The following MBD2 variants were observed in gnomAD, a reference collection of about 807,000 sequenced individuals.
The protein encoded by MBD2 is methyl-CpG binding domain protein 2.
Under a neutral mutation model 39.3 loss-of-function variants are expected in MBD2, and 9 were observed. That is an observed-to-expected ratio of 0.23 (90% CI 0.14 to 0.40). MBD2 has a LOEUF of 0.40. Among genes scored for constraint, MBD2 ranks in the 10% least tolerant of loss-of-function variants. The pLI, the probability that MBD2 is intolerant of heterozygous loss-of-function variation, is 1.00. For synonymous variants in MBD2, 233 were observed against 211.1 expected, an observed-to-expected ratio of 1.10 and a Z score of -0.90; for missense variants, 458 against 532.6, an observed-to-expected ratio of 0.86 and a Z score of 1.38.
intron 1 of MBD2, among the ~76,000 whole-genome samples, chr18:54,221,254 G>C (rs942343027): frequency 3.3e-5 from 5 of 151,882 alleles, no homozygotes; most frequent in Admixed American, 1.3e-4. Context: ...TCAGGAGATC[G>C]AGACCATCCT....
chr18:54,191,019 A>G (rs2144313132), intron 2 of MBD2, among the ~76,000 whole-genome samples: 1 of 152,338 alleles, frequency 6.6e-6, no homozygotes, highest in South Asian at 2.1e-4. Flanking sequence ...ATGAAGTAAC[A>G]TATACCTGAA....
intron 1 of MBD2, among the ~76,000 whole-genome samples, chr18:54,208,255 G>A (rs1168970133): frequency 6.6e-6 from 1 of 152,180 alleles, no homozygotes; most frequent in East Asian, 1.9e-4. Flanking sequence ...CACTTTGGGA[G>A]GCCAAGGCAG....
rs35170749 is a variant in MBD2, at chr18:54,205,784, G to GT, written c.543-628dup. On this transcript the variant is annotated intron_variant, in intron 1 of 6. Transcript: ENST00000256429. Reference sequence around the variant, plus strand: ...CCTAAATCCAAACTTCATGCACAGTGTAACAGGCATACTAAAAATGTCTTC... The same window carrying GT: ...CCTAAATCCAAACTTCATGCACAGTGTTAACAGGCATACTAAAAATGTCTTC... Among the ~76,000 whole-genome samples the GT allele has an allele frequency of 8.6e-3, 1,306 of 152,132 alleles. 12 individuals carry two copies. Among genetic ancestry groups the GT allele is most frequent in the Admixed American group, 0.028 (429 of 15,268 alleles).
At chr18:54,196,416 C>G (rs1399547873) in intron 2 of MBD2, among the ~76,000 whole-genome samples, 2 of 152,146 alleles carry the variant, frequency 1.3e-5, no homozygotes, top group African/African-American at 4.8e-5. Context: ...GTTAATGTAA[C>G]GGACATCACC....
chr18:54,221,407 A>G (rs918120821), intron 1 of MBD2, among the ~76,000 whole-genome samples: 1 of 150,908 alleles, frequency 6.6e-6, no homozygotes, highest in Admixed American at 6.6e-5. Flanking sequence ...GTAGTGAGCC[A>G]AGATCACACC....
At chr18:54,183,214 G>A (rs1203707168) in intron 3 of MBD2, among the ~76,000 whole-genome samples, 2 of 152,230 alleles carry the variant, frequency 1.3e-5, no homozygotes, top group Admixed American at 1.3e-4. Flanking sequence ...ATAGATTACA[G>A]GTGCTGATGA....
At chr18:54,202,988 T>A (rs200068003) in intron 2 of MBD2, 93 of 1,022,328 alleles carry the variant, frequency 9.1e-5, no homozygotes, top group Non-Finnish European at 1.4e-4. Context: ...GAGTAGGAGT[T>A]CACCAGATGA....
intron 3 of MBD2, 57 bp from the exon 4 acceptor site, chr18:54,166,223 A>G (rs1487255988): frequency 1.1e-5 from 11 of 981,424 alleles, no homozygotes; most frequent in Non-Finnish European, 1.6e-5. Context: ...AAAGTAGCGC[A>G]TCGATGCTGT....
At position 54,155,251 on chromosome 18, in the gene MBD2, T is replaced by C. The variant is rs1192860154; in HGVS notation, c.*73A>G. 2.0e-5 allele frequency: 3 copies of C among 151,446 alleles called. No homozygotes were observed. Among genetic ancestry groups the C allele is most frequent in the African/African-American group, 4.9e-5 (2 of 41,156 alleles). The allele number at this position is 151,446 out of a possible 1,614,324, so 9.4% of individuals were successfully genotyped here. On this transcript the variant is annotated 3_prime_UTR_variant, in exon 7 of 7. Coordinates refer to ENST00000256429, the MANE Select transcript of MBD2 (RefSeq NM_003927.5). ...TTTTTTTCTTACAGGCAAAAGCCAG[T>C]GGAAACATTTTTGTTCAATTTCTAG...
intron 3 of MBD2, among the ~76,000 whole-genome samples, chr18:54,184,000 TA>T (rs560686765): frequency 6.6e-6 from 1 of 152,100 alleles, no homozygotes; most frequent in African/African-American, 2.4e-5. Flanking sequence ...ACTCCCTAGT[TA>T]AAAAAGCTCT....
chr18:54,223,360 T>C (rs2086631087), intron 1 of MBD2, among the ~76,000 whole-genome samples: 1 of 152,224 alleles, frequency 6.6e-6, no homozygotes, highest in Non-Finnish European at 1.5e-5. Flanking sequence ...GCAGCATCTC[T>C]GGCCTCTACC....
chr18:54,167,747 C>T (rs531766052), intron 3 of MBD2, among the ~76,000 whole-genome samples: 2 of 152,254 alleles, frequency 1.3e-5, no homozygotes, highest in East Asian at 3.9e-4. Context: ...CTGCTAATCA[C>T]ATTATCAGTA....
At chr18:54,157,739 C>T (rs952786283) in intron 6 of MBD2, among the ~76,000 whole-genome samples, 1 of 152,154 alleles carries the variant, frequency 6.6e-6, no homozygotes, top group Non-Finnish European at 1.5e-5. Flanking sequence ...TCCCTGCAAT[C>T]CCTACCCTTA....
chr18:54,188,827 C>G (rs755142224), intron 3 of MBD2, 47 bp downstream of exon 3: 1 of 1,531,624 alleles, frequency 6.5e-7, no homozygotes. Context: ...GTAAAAATAC[C>G]AGCATTTTTC....
In MBD2 at chr18:54,154,889, C is replaced by T. The variant is rs1184995069; in HGVS notation, c.*435G>A. 4 of 152,592 alleles carry T rather than the reference C, an allele frequency of 2.6e-5. No individual in the cohort carries two copies. The highest frequency in any genetic ancestry group is 9.7e-5 in the African/African-American group (4 of 41,432). The allele number at this position is 152,592 out of a possible 1,614,324, so 9.5% of individuals were successfully genotyped here. A position where few individuals can be genotyped will look rare whatever the true frequency, so the allele number is the denominator to read the frequency against. Reference sequence around the variant, plus strand: ...TTTACAGTGATGATGGAAGAATGTACAGGTGTCCCCTTTCAATAAAGTATA... The same window carrying T: ...TTTACAGTGATGATGGAAGAATGTATAGGTGTCCCCTTTCAATAAAGTATA... On this transcript the variant is annotated 3_prime_UTR_variant, in exon 7 of 7. Coordinates refer to ENST00000256429, the MANE Select transcript of MBD2 (RefSeq NM_003927.5).
intron 1 of MBD2, among the ~76,000 whole-genome samples, chr18:54,217,159 C>T (rs915163948): frequency 2.6e-5 from 4 of 152,054 alleles, no homozygotes; most frequent in Non-Finnish European, 5.9e-5. Flanking sequence ...GTAAAACACT[C>T]GATTACTCCT....
chr18:54,188,855 G>A lies in MBD2; in HGVS notation c.840+19C>T. ...CATTTTTCTGAAAAATAAGATTGGA[G>A]AACGAATTAGATCCTTACCTGACGT... On this transcript the variant is annotated intron_variant, in intron 3 of 6. Coordinates refer to ENST00000256429, the MANE Select transcript of MBD2 (RefSeq NM_003927.5). 2 of 1,577,214 alleles carry A rather than the reference G, an allele frequency of 1.3e-6. No individual in the cohort carries two copies. The highest frequency in any genetic ancestry group is 1.7e-6 in the Non-Finnish European group (2 of 1,158,134).
chr18:54,193,567 C>G (rs949867201), intron 2 of MBD2, among the ~76,000 whole-genome samples: 1 of 152,124 alleles, frequency 6.6e-6, no homozygotes, highest in African/African-American at 2.4e-5. Flanking sequence ...TACTTCCTCT[C>G]TTTCCAGTAA....
At position 54,155,224 on chromosome 18, in the gene MBD2, A is replaced by C. The variant is rs2086043975; in HGVS notation, c.*100T>G. 6.6e-6 allele frequency: 1 copy of C among 151,496 alleles called. No individual in the cohort carries two copies. Among genetic ancestry groups the C allele is most frequent in the Non-Finnish European group, 1.5e-5 (1 of 67,888 alleles). 9.4% of individuals were successfully genotyped at this position (151,496 alleles called of 1,614,324 possible). A position where few individuals can be genotyped will look rare whatever the true frequency, so the allele number is the denominator to read the frequency against. ...TAAAAAGCTCTATGTGCTCGGGTAC[A>C]TTTTTTTTCTTACAGGCAAAAGCCA... On this transcript the variant is annotated 3_prime_UTR_variant, in exon 7 of 7. Transcript: ENST00000256429.
Sources: allele counts gnomAD v4.1 joint callset (sites outside exome capture counted in the v4.1 genomes callset), GRCh38; gene constraint gnomAD v4.1.1; transcripts MANE v1.5; gene names NCBI Gene and HGNC (gene_info 2026-07-23, HGNC 2026-07-21).